Variants in TAFA2 observed in about 807,000 individuals in gnomAD.
TAFA2 encodes the protein chemokine-like protein TAFA-2.
In TAFA2, 7 loss-of-function variants were observed where a neutral mutation model predicts 18.8. That is an observed-to-expected ratio of 0.37 (90% CI 0.21 to 0.70). The LOEUF (loss-of-function observed/expected upper bound fraction) is 0.70. Ranked by LOEUF, TAFA2 falls within the 30% of genes least tolerant of loss-of-function variation. TAFA2 has a pLI of 0.53. For synonymous variants in TAFA2, 60 were observed against 54.2 expected, an observed-to-expected ratio of 1.11 and a Z score of -0.47; for missense variants, 122 against 158.1, an observed-to-expected ratio of 0.77 and a Z score of 1.23.
intron 2 of TAFA2, among the ~76,000 whole-genome samples, chr12:61,814,298 T>C (rs1296606851): frequency 6.6e-6 from 1 of 151,226 alleles, no homozygotes; most frequent in Non-Finnish European, 1.5e-5. Flanking sequence ...TAGAGAGCTA[T>C]AGTGAGCAAG....
rs891207109 is a variant in TAFA2 at position 61,840,294 on chromosome 12, G to T, written c.106+27026C>A. Among the ~76,000 whole-genome samples, 14 of 152,072 alleles carry T rather than the reference G, an allele frequency of 9.2e-5. 1 individual carries two copies. In the Middle Eastern group the frequency reaches 0.01, roughly 111 times the overall value. ...TATGTGCCTGACGTGCCTCAGTTCT[G>T]TATTTCACTGTGCCTGGATATTTAT... On this transcript the variant is annotated intron_variant, in intron 2 of 4. Coordinates refer to ENST00000416284, the MANE Select transcript of TAFA2 (RefSeq NM_178539.5).
chr12:62,063,187 G>C (rs1222795975), intron 1 of TAFA2, among the ~76,000 whole-genome samples: 1 of 152,132 alleles, frequency 6.6e-6, no homozygotes, highest in Non-Finnish European at 1.5e-5. Context: ...CTAGTGACTT[G>C]ACTCTATGGT....
At chr12:61,972,461 GC>G (rs999136415) in intron 1 of TAFA2, among the ~76,000 whole-genome samples, 4 of 151,594 alleles carry the variant, frequency 2.6e-5, no homozygotes, top group Non-Finnish European at 4.4e-5. Flanking sequence ...AGTTTTATGA[GC>G]CCTAAGGCCT....
chr12:62,131,296 A>G (rs1266633856), intron 1 of TAFA2, among the ~76,000 whole-genome samples: 2 of 152,038 alleles, frequency 1.3e-5, no homozygotes, highest in Non-Finnish European at 2.9e-5. Context: ...CAGAGAAAGA[A>G]AAAAGAAGTA....
intron 1 of TAFA2, among the ~76,000 whole-genome samples, chr12:62,163,617 G>A (rs989250318): frequency 6.6e-6 from 1 of 152,076 alleles, no homozygotes; most frequent in East Asian, 1.9e-4. Flanking sequence ...ATTTAAAGAT[G>A]ATTTGTTGAA....
intron 1 of TAFA2, among the ~76,000 whole-genome samples, chr12:62,188,450 T>C (rs7305482): frequency 0.13 from 19,104 of 152,200 alleles, 1,625 homozygotes; most frequent in East Asian, 0.33. Flanking sequence ...GAACATTCCT[T>C]GTTTGGGACA....
chr12:61,835,293 T>A (rs1185062511), intron 2 of TAFA2, among the ~76,000 whole-genome samples: 2 of 152,014 alleles, frequency 1.3e-5, no homozygotes, highest in African/African-American at 4.8e-5. Flanking sequence ...CTATAGATAA[T>A]TTTTACTATA....
intron 1 of TAFA2, among the ~76,000 whole-genome samples, chr12:61,900,919 G>A (rs1876070197): frequency 1.3e-5 from 2 of 152,096 alleles, no homozygotes; most frequent in Non-Finnish European, 2.9e-5. Flanking sequence ...AATTTTTCAA[G>A]TAAGCAGACA....
At chr12:62,026,610 T>C (rs1431287833) in intron 1 of TAFA2, among the ~76,000 whole-genome samples, 1 of 152,172 alleles carries the variant, frequency 6.6e-6, no homozygotes, top group Non-Finnish European at 1.5e-5. Context: ...GCTCATTCTG[T>C]CCAGCTTTGT....
At position 61,827,295 on chromosome 12, in the gene TAFA2, A is replaced by G. The variant is rs138342428; in HGVS notation, c.106+40025T>C. On this transcript the variant is annotated intron_variant, in intron 2 of 4. Coordinates refer to ENST00000416284, the MANE Select transcript of TAFA2 (RefSeq NM_178539.5). ...GTATCATTCTAGAATTTTATGAGAAAGCAATAACCTTCTGTCTTGTTTAAA... is the reference window on the plus strand; with the variant it reads ...GTATCATTCTAGAATTTTATGAGAAGGCAATAACCTTCTGTCTTGTTTAAA... 625 of 152,182 alleles carry G rather than the reference A, an allele frequency of 4.1e-3. 4 individuals carry two copies. Among genetic ancestry groups the G allele is most frequent in the African/African-American group, 0.014 (602 of 41,574 alleles). The allele number at this position is 152,182 out of a possible 1,614,324, so 9.4% of individuals were successfully genotyped here. A position where few individuals can be genotyped will look rare whatever the true frequency, so the allele number is the denominator to read the frequency against.
At position 61,927,831 on chromosome 12, in the gene TAFA2, G is replaced by C. The variant is rs368340260; in HGVS notation, c.-1-60405C>G. 5.9e-5 allele frequency among the ~76,000 whole-genome samples: 9 copies of C among 152,204 alleles called. No individual in the cohort carries two copies. The South Asian group carries it at 1.0e-3, about 18-fold the overall frequency. On this transcript the variant is annotated intron_variant, in intron 1 of 4. Coordinates refer to ENST00000416284, the MANE Select transcript of TAFA2 (RefSeq NM_178539.5). ...AACAGATATACAGACCAATGAAACA[G>C]AACAGAGGCCTCAGAAATAACACCA...
intron 2 of TAFA2, among the ~76,000 whole-genome samples, chr12:61,755,236 A>G (rs974866918): frequency 3.3e-5 from 5 of 152,184 alleles, no homozygotes; most frequent in African/African-American, 1.2e-4. Flanking sequence ...TTGGTAAAGC[A>G]GGAACAATTA....
At chr12:61,793,469 G>T (rs1172498756) in intron 2 of TAFA2, among the ~76,000 whole-genome samples, 1 of 151,410 alleles carries the variant, frequency 6.6e-6, no homozygotes, top group Non-Finnish European at 1.5e-5. Context: ...AAATTAAAAA[G>T]TTGTGCCAAT....
At chr12:61,766,167 C>T (rs1869780639) in intron 2 of TAFA2, among the ~76,000 whole-genome samples, 1 of 152,106 alleles carries the variant, frequency 6.6e-6, no homozygotes, top group African/African-American at 2.4e-5. Flanking sequence ...CACACATAAA[C>T]ACACACATAC....
At chr12:62,222,410 A>G (rs1592407826) in intron 1 of TAFA2, among the ~76,000 whole-genome samples, 1 of 152,164 alleles carries the variant, frequency 6.6e-6, no homozygotes, top group Admixed American at 6.5e-5. Context: ...CTTTTTTAAA[A>G]CTTTCTTCAA....
chr12:61,807,337 C>A (rs1404141881), intron 2 of TAFA2, among the ~76,000 whole-genome samples: 1 of 151,324 alleles, frequency 6.6e-6, no homozygotes, highest in East Asian at 1.9e-4. Context: ...CCTGAGAATG[C>A]ACAGACGTCA....
chr12:62,094,713 G>A (rs1868870617), intron 1 of TAFA2, among the ~76,000 whole-genome samples: 1 of 151,616 alleles, frequency 6.6e-6, no homozygotes, highest in Non-Finnish European at 1.5e-5. Context: ...TAAGAAACTT[G>A]TAAGATACAT....
intron 1 of TAFA2, among the ~76,000 whole-genome samples, chr12:62,170,778 C>G (rs1002193109): frequency 6.6e-6 from 1 of 152,162 alleles, no homozygotes; most frequent in African/African-American, 2.4e-5. Flanking sequence ...TTACCTCCTT[C>G]CCACCCTCCA....
intron 1 of TAFA2, among the ~76,000 whole-genome samples, chr12:61,870,900 A>T: frequency 6.6e-6 from 1 of 152,298 alleles, no homozygotes; most frequent in East Asian, 1.9e-4. Flanking sequence ...TTCAACCATT[A>T]TTCTCATATA....
Sources: gnomAD v4.1 joint callset for allele counts (sites outside exome capture counted in the v4.1 genomes callset) on GRCh38, gnomAD v4.1.1 for gene constraint, MANE v1.5 for transcripts, NCBI Gene and HGNC (gene_info 2026-07-23, HGNC 2026-07-21) for gene names.